Variants in CCSER1 observed in about 807,000 individuals in gnomAD.
CCSER1 encodes the protein coiled-coil serine rich protein 1, also known as serine-rich coiled-coil domain-containing protein 1.
A neutral mutation model predicts 82.0 loss-of-function variants in CCSER1; 41 were observed. The observed-to-expected ratio is 0.50, with a 90% confidence interval of 0.39 to 0.65. CCSER1 has a LOEUF of 0.65. Among genes scored for constraint, CCSER1 ranks in the 30% least tolerant of loss-of-function variants. The probability of loss-of-function intolerance (pLI) is 0.00; values close to 1 mark genes in which losing one functional copy is unlikely to be tolerated. For synonymous variants in CCSER1, 414 were observed against 383.9 expected (o/e 1.08, Z -0.92); for missense variants, 1,119 against 1,064.2 (o/e 1.05, Z -0.72).
intron 10 of CCSER1, among the ~76,000 whole-genome samples, chr4:91,233,899 A>G (rs550538241): frequency 2.1e-4 from 32 of 151,920 alleles, no homozygotes; most frequent in Non-Finnish European, 4.4e-4. Flanking sequence ...TTAGTAAAGC[A>G]ATTACTAATA....
Position 91,331,040 on chromosome 4 carries a change from G to A in CCSER1, c.2217+245046G>A, listed in dbSNP as rs75892744. 1.5e-3 allele frequency among the ~76,000 whole-genome samples: 233 copies of A among 152,158 alleles called. 6 individuals are homozygous for A. The East Asian group carries it at 0.042, about 27-fold the overall frequency. ...CAGGAAAAACCATAGTGTGTGTAGC[G>A]TTCAGTATTATCCTTGGTTTCAGAC... On this transcript the variant is annotated intron_variant, in intron 10 of 10. Coordinates refer to ENST00000509176, the MANE Select transcript of CCSER1 (RefSeq NM_001145065.2).
chr4:91,124,715 G>C (rs540233534), intron 10 of CCSER1, among the ~76,000 whole-genome samples: 13 of 151,854 alleles, frequency 8.6e-5, no homozygotes, highest in Admixed American at 1.3e-4. Context: ...AACAATGTTT[G>C]CTATAGAAGC....
At chr4:90,831,118 G>T (rs559375025) in intron 8 of CCSER1, among the ~76,000 whole-genome samples, 3 of 151,966 alleles carry the variant, frequency 2.0e-5, no homozygotes, top group African/African-American at 2.4e-5. Flanking sequence ...GAAGGTATGC[G>T]CATACTAAGA....
chr4:91,245,720 G>C (rs1466717622), intron 10 of CCSER1, among the ~76,000 whole-genome samples: 1 of 152,110 alleles, frequency 6.6e-6, no homozygotes, highest in Non-Finnish European at 1.5e-5. Flanking sequence ...GTTTGAGATG[G>C]AGTTTCGCTC....
At chr4:90,810,796 A>T (rs995175639) in intron 7 of CCSER1, among the ~76,000 whole-genome samples, 14 of 152,046 alleles carry the variant, frequency 9.2e-5, no homozygotes, top group African/African-American at 2.9e-4. Context: ...CACTTGGCCA[A>T]AAAGGAAAAT....
intron 1 of CCSER1, among the ~76,000 whole-genome samples, chr4:90,223,499 T>C (rs1017316072): frequency 6.6e-6 from 1 of 152,208 alleles, no homozygotes; most frequent in Non-Finnish European, 1.5e-5. Context: ...ATTGATTGCA[T>C]TGATTTTTAA....
intron 6 of CCSER1, among the ~76,000 whole-genome samples, chr4:90,716,872 C>T (rs1330422342): frequency 6.6e-6 from 1 of 152,134 alleles, no homozygotes; most frequent in Non-Finnish European, 1.5e-5. Context: ...ACATATTAGA[C>T]ACACTGTTTT....
chr4:90,705,576 G>A (rs1162864906), intron 6 of CCSER1, among the ~76,000 whole-genome samples: 1 of 152,214 alleles, frequency 6.6e-6, no homozygotes, highest in Non-Finnish European at 1.5e-5. Context: ...CAGAGGTGGA[G>A]TCTACAGAGG....
At chr4:90,814,172 A>G (rs1758706046) in intron 7 of CCSER1, among the ~76,000 whole-genome samples, 3 of 152,184 alleles carry the variant, frequency 2.0e-5, no homozygotes, top group Admixed American at 1.3e-4. Context: ...GGCCCCTATT[A>G]GCCATGACTG....
rs115029667 is a variant in CCSER1, at chr4:90,911,500, G to A, written c.2095-11870G>A. 1,188 of 328,684 alleles carry A rather than the reference G, an allele frequency of 3.6e-3. 6 individuals are homozygous for A. Among genetic ancestry groups the A allele is most frequent in the African/African-American group, 0.021 (971 of 45,550 alleles). 20.4% of individuals were successfully genotyped at this position (328,684 alleles called of 1,614,324 possible). ...GTTTTATTTAAATAATCTTGGGGGC[G>A]GTTCCAAGATGGCCAAATAGGAACA... On this transcript the variant is annotated intron_variant, in intron 8 of 10. Coordinates refer to ENST00000509176, the MANE Select transcript of CCSER1 (RefSeq NM_001145065.2).
At chr4:90,693,859 G>A (rs1281696992) in intron 6 of CCSER1, among the ~76,000 whole-genome samples, 1 of 151,016 alleles carries the variant, frequency 6.6e-6, no homozygotes, top group Non-Finnish European at 1.5e-5. Flanking sequence ...AATGCTATGA[G>A]GAGGAAAAGA....
At chr4:91,488,751 A>G (rs1758353863) in intron 10 of CCSER1, among the ~76,000 whole-genome samples, 1 of 152,178 alleles carries the variant, frequency 6.6e-6, no homozygotes, top group Non-Finnish European at 1.5e-5. Flanking sequence ...TGAGTCAATT[A>G]AACCTCTTTT....
chr4:91,152,704 G>A (rs912439272), intron 10 of CCSER1, among the ~76,000 whole-genome samples: 1 of 152,172 alleles, frequency 6.6e-6, no homozygotes, highest in Non-Finnish European at 1.5e-5. Context: ...GCTCCTGTAA[G>A]GCAGGCCTTG....
At chr4:91,040,465 G>C (rs1263484556) in intron 9 of CCSER1, among the ~76,000 whole-genome samples, 1 of 152,132 alleles carries the variant, frequency 6.6e-6, no homozygotes, top group African/African-American at 2.4e-5. Context: ...TCTATACTGA[G>C]TGTATATTGT....
chr4:91,340,155 T>C (rs1429768620), intron 10 of CCSER1, among the ~76,000 whole-genome samples: 3 of 152,062 alleles, frequency 2.0e-5, no homozygotes, highest in Admixed American at 2.0e-4. Context: ...TTTGCCACAG[T>C]AAGAGATTAA....
intron 7 of CCSER1, among the ~76,000 whole-genome samples, chr4:90,796,787 AT>A (rs1197890000): frequency 6.6e-6 from 1 of 152,104 alleles, no homozygotes; most frequent in Non-Finnish European, 1.5e-5. Context: ...ATGTAATTAT[AT>A]GGTTTTGAGT....
chr4:91,317,909 A>G (rs1181839549), intron 10 of CCSER1, among the ~76,000 whole-genome samples: 1 of 151,988 alleles, frequency 6.6e-6, no homozygotes, highest in Non-Finnish European at 1.5e-5. Context: ...GGGTGAGAGC[A>G]TCCAGTACAC....
At chr4:90,906,869 A>C (rs1232150480) in intron 8 of CCSER1, among the ~76,000 whole-genome samples, 1 of 152,014 alleles carries the variant, frequency 6.6e-6, no homozygotes, top group Admixed American at 6.6e-5. Flanking sequence ...AACTCTCCTA[A>C]ATCTTCGCAA....
chr4:90,914,635 A>G (rs2150208302), intron 8 of CCSER1, among the ~76,000 whole-genome samples: 1 of 152,180 alleles, frequency 6.6e-6, no homozygotes, highest in African/African-American at 2.4e-5. Context: ...GCAAGAAATA[A>G]CTAAGATCAG....
Sources: gnomAD v4.1 joint callset for allele counts (sites outside exome capture counted in the v4.1 genomes callset) on GRCh38, gnomAD v4.1.1 for gene constraint, MANE v1.5 for transcripts, NCBI Gene and HGNC (gene_info 2026-07-23, HGNC 2026-07-21) for gene names.